Variants in AP3B1 observed in about 807,000 individuals in gnomAD.
AP3B1 encodes the protein adaptor related protein complex 3 subunit beta 1.
In AP3B1, 61 loss-of-function variants were observed where a neutral mutation model predicts 132.5. The ratio of observed to expected loss-of-function variants is 0.46; its 90% CI spans 0.37 to 0.57. The LOEUF (loss-of-function observed/expected upper bound fraction) is 0.57. AP3B1 is among the 20% of genes least tolerant of loss of function. The pLI, the probability that AP3B1 is intolerant of heterozygous loss-of-function variation, is 0.00. For synonymous variants in AP3B1, 388 were observed against 438.3 expected, an observed-to-expected ratio of 0.89 and a Z score of 1.43; for missense variants, 1,120 against 1,289.4, an observed-to-expected ratio of 0.87 and a Z score of 2.01.
chr5:78,003,101 T>C (rs754574333), intron 26 of AP3B1, 46 bp from the exon 27 acceptor site: 3 of 1,590,324 alleles, frequency 1.9e-6, no homozygotes, highest in African/African-American at 2.7e-5. Context: ...ATGGGGAGGG[T>C]AAAGGAGATA....
intron 21 of AP3B1, among the ~76,000 whole-genome samples, chr5:78,097,006 G>T (rs1347285012): frequency 2.2e-5 from 3 of 133,642 alleles, no homozygotes; most frequent in Non-Finnish European, 4.7e-5. Flanking sequence ...TGTCCGGGAG[G>T]GAGGTGGGGG....
At chr5:78,043,754 A>G in intron 22 of AP3B1, 1 of 400,178 alleles carries the variant, frequency 2.5e-6, no homozygotes, top group South Asian at 2.3e-5. Context: ...GCAGAAAAAA[A>G]GGCAGCACCA....
intron 20 of AP3B1, among the ~76,000 whole-genome samples, chr5:78,104,548 A>G (rs1362333691): frequency 6.6e-6 from 1 of 152,180 alleles, no homozygotes; most frequent in East Asian, 1.9e-4. Context: ...CAATATTTAT[A>G]AAAGTTATAT....
intron 21 of AP3B1, among the ~76,000 whole-genome samples, chr5:78,097,364 C>T (rs1248459752): frequency 7.4e-6 from 1 of 134,418 alleles, no homozygotes; most frequent in Non-Finnish European, 1.6e-5. Flanking sequence ...CGGCCAGCCG[C>T]CCTGTCCGGG....
intron 3 of AP3B1, among the ~76,000 whole-genome samples, chr5:78,229,570 T>TAAAAAAAAAAAA (rs747124764): frequency 1.4e-4 from 13 of 92,922 alleles, no homozygotes; most frequent in African/African-American, 5.3e-4. Context: ...CCATTTCTAG[T>TAAAAAAAAAAAA]AAAACAAAAA....
At chr5:78,147,943 G>A (rs1158539848) in intron 14 of AP3B1, among the ~76,000 whole-genome samples, 1 of 151,904 alleles carries the variant, frequency 6.6e-6, no homozygotes, top group Non-Finnish European at 1.5e-5. Flanking sequence ...TGAGGCAGGA[G>A]AATCACTTGA....
At chr5:78,121,161 A>G (rs1364085772) in intron 17 of AP3B1, among the ~76,000 whole-genome samples, 1 of 152,174 alleles carries the variant, frequency 6.6e-6, no homozygotes, top group East Asian at 1.9e-4. Flanking sequence ...CAAAGACACC[A>G]CATACCAGAA....
chr5:78,223,027 C>CTTTTTTTTTTTTTTT (rs1554077324), intron 6 of AP3B1, among the ~76,000 whole-genome samples: 6 of 127,810 alleles, frequency 4.7e-5, no homozygotes, highest in Admixed American at 1.6e-4. Context: ...TTGTTTGTTT[C>CTTTTTTTTTTTTTTT]TTTTTTTTTT....
chr5:78,133,876 C>T (rs1381143162), intron 15 of AP3B1, among the ~76,000 whole-genome samples: 1 of 152,122 alleles, frequency 6.6e-6, no homozygotes, highest in East Asian at 1.9e-4. Flanking sequence ...ATATCAATTA[C>T]ATTTTCTTCA....
intron 6 of AP3B1, among the ~76,000 whole-genome samples, chr5:78,223,019 G>GTTTCTCTTTT (rs1229443158): frequency 9.5e-6 from 1 of 105,396 alleles, no homozygotes; most frequent in African/African-American, 3.6e-5. Context: ...TTGTTTGTTT[G>GTTTCTCTTTT]TTTGTTTCTT....
intron 21 of AP3B1, among the ~76,000 whole-genome samples, chr5:78,099,953 A>G (rs1580346805): frequency 6.6e-6 from 1 of 152,154 alleles, no homozygotes; most frequent in Non-Finnish European, 1.5e-5. Context: ...AGATATTGCT[A>G]AAATGACTCC....
At chr5:78,133,608 A>G (rs1323367086) in intron 15 of AP3B1, among the ~76,000 whole-genome samples, 1 of 152,216 alleles carries the variant, frequency 6.6e-6, no homozygotes, top group Non-Finnish European at 1.5e-5. Context: ...ATTTAAGTAC[A>G]ATCATGACAT....
At chr5:78,137,488 G>A (rs1483131032) in intron 15 of AP3B1, among the ~76,000 whole-genome samples, 1 of 152,076 alleles carries the variant, frequency 6.6e-6, no homozygotes, top group East Asian at 1.9e-4. Flanking sequence ...AAGCCAGAAG[G>A]ACTTTGAATT....
intron 14 of AP3B1, among the ~76,000 whole-genome samples, chr5:78,155,525 T>C (rs1743112228): frequency 6.6e-6 from 1 of 152,162 alleles, no homozygotes; most frequent in Non-Finnish European, 1.5e-5. Flanking sequence ...TGCTCCACTC[T>C]TCAAGATTTG....
At chr5:78,105,440 G>A (rs984194064) in intron 20 of AP3B1, among the ~76,000 whole-genome samples, 3 of 152,012 alleles carry the variant, frequency 2.0e-5, no homozygotes, top group African/African-American at 7.2e-5. Flanking sequence ...ACTACAAGCA[G>A]AATATAACTT....
At chr5:78,185,585 G>C (rs1009433175) in intron 7 of AP3B1, among the ~76,000 whole-genome samples, 2 of 152,204 alleles carry the variant, frequency 1.3e-5, no homozygotes, top group Non-Finnish European at 2.9e-5. Flanking sequence ...GCTGCACAAA[G>C]AGATATATTC....
At chr5:78,235,155 C>G (rs1329998683) in intron 3 of AP3B1, among the ~76,000 whole-genome samples, 2 of 152,114 alleles carry the variant, frequency 1.3e-5, no homozygotes, top group Non-Finnish European at 2.9e-5. Flanking sequence ...ACCAACACAG[C>G]TGGTTTGGTT....
intron 7 of AP3B1, among the ~76,000 whole-genome samples, chr5:78,207,772 C>A (rs189425326): frequency 3.3e-5 from 5 of 152,128 alleles, no homozygotes; most frequent in Non-Finnish European, 5.9e-5. Flanking sequence ...GATTTCTTCA[C>A]AGCAAAATTC....
At chr5:78,065,728 T>C (rs1313253882) in intron 22 of AP3B1, among the ~76,000 whole-genome samples, 1 of 152,128 alleles carries the variant, frequency 6.6e-6, no homozygotes, top group Non-Finnish European at 1.5e-5. Flanking sequence ...CACTTAGTCC[T>C]TCCCCTCGCT....
Sources: gnomAD v4.1 joint callset for allele counts (sites outside exome capture counted in the v4.1 genomes callset) on GRCh38, gnomAD v4.1.1 for gene constraint, MANE v1.5 for transcripts, NCBI Gene and HGNC (gene_info 2026-07-23, HGNC 2026-07-21) for gene names.